The following PDE4D variants were observed in gnomAD, a reference collection of about 807,000 sequenced individuals.
PDE4D encodes the protein 3',5'-cyclic-AMP phosphodiesterase 4D.
A neutral mutation model predicts 87.4 loss-of-function variants in PDE4D; 24 were observed. The observed-to-expected ratio is 0.27, with a 90% CI of 0.20 to 0.39. The LOEUF is 0.39. Among genes scored for constraint, PDE4D ranks in the 10% least tolerant of loss-of-function variants. The pLI, the probability that PDE4D is intolerant of heterozygous loss-of-function variation, is 1.00. For synonymous variants in PDE4D, 384 were observed against 383.2 expected, an observed-to-expected ratio of 1.00 and a Z score of -0.02; for missense variants, 714 against 1,041.0, an observed-to-expected ratio of 0.69 and a Z score of 4.32.
intron 2 of PDE4D, among the ~76,000 whole-genome samples, chr5:59,195,404 A>G (rs935442559): frequency 6.6e-6 from 1 of 152,330 alleles, no homozygotes; most frequent in Admixed American, 6.5e-5. Context: ...AGAGGGATGA[A>G]GCCAAGGAGG....
chr5:58,980,232 ACATACT>A (rs1280473476), intron 11 of PDE4D, among the ~76,000 whole-genome samples: 1 of 152,198 alleles, frequency 6.6e-6, no homozygotes, highest in Non-Finnish European at 1.5e-5. Context: ...ATTTACATAG[ACATACT>A]CATATAATCC....
chr5:59,434,050 C>G (rs1025696022), intron 1 of PDE4D, among the ~76,000 whole-genome samples: 7 of 145,370 alleles, frequency 4.8e-5, no homozygotes, highest in African/African-American at 1.8e-4. Context: ...TAGGATGTTC[C>G]TAAAGAAGTC....
chr5:59,080,128 T>G (rs1766473071), intron 5 of PDE4D, among the ~76,000 whole-genome samples: 1 of 152,196 alleles, frequency 6.6e-6, no homozygotes, highest in Non-Finnish European at 1.5e-5. Flanking sequence ...GCCTGCATTA[T>G]CTCAAGCTAC....
chr5:59,250,899 T>C (rs76087085), intron 1 of PDE4D, among the ~76,000 whole-genome samples: 4,960 of 152,218 alleles, frequency 0.033, 157 homozygotes, highest in Admixed American at 0.09. Context: ...CATCTGATCT[T>C]CGACAAAGCT....
intron 5 of PDE4D, among the ~76,000 whole-genome samples, chr5:59,171,706 A>G (rs1195954156): frequency 6.7e-6 from 1 of 149,398 alleles, no homozygotes; most frequent in Non-Finnish European, 1.5e-5. Context: ...CATGGAAAGC[A>G]TTATGTTCTT....
At chr5:59,261,075 A>G (rs555772238) in intron 1 of PDE4D, among the ~76,000 whole-genome samples, 1 of 152,042 alleles carries the variant, frequency 6.6e-6, no homozygotes, top group East Asian at 1.9e-4. Context: ...ACTGGCAGTC[A>G]TAGAATAATG....
intron 1 of PDE4D, among the ~76,000 whole-genome samples, chr5:60,415,842 C>G (rs575935333): frequency 1.3e-5 from 2 of 152,366 alleles, no homozygotes; most frequent in Middle Eastern, 3.4e-3. Flanking sequence ...ACCTGCCGCC[C>G]GGTGCGGGAC....
intron 1 of PDE4D, among the ~76,000 whole-genome samples, chr5:60,356,424 G>C (rs1388146989): frequency 6.6e-6 from 1 of 152,104 alleles, no homozygotes; most frequent in African/African-American, 2.4e-5. Context: ...GGCTGCAGTT[G>C]TTATTTTTAT....
At chr5:59,993,772 T>A (rs1763250369) in intron 2 of PDE4D, among the ~76,000 whole-genome samples, 1 of 152,048 alleles carries the variant, frequency 6.6e-6, no homozygotes, top group South Asian at 2.1e-4. Flanking sequence ...TTCACCTTGC[T>A]ATTGATGGGA....
chr5:59,667,506 G>A (rs1195903785), intron 1 of PDE4D, among the ~76,000 whole-genome samples: 1 of 152,040 alleles, frequency 6.6e-6, no homozygotes, highest in Non-Finnish European at 1.5e-5. Flanking sequence ...TGCATGGTCT[G>A]CTTGTACTCA....
chr5:60,087,755 C>T (rs1185771823), intron 2 of PDE4D, among the ~76,000 whole-genome samples: 2 of 151,846 alleles, frequency 1.3e-5, no homozygotes, highest in Admixed American at 1.3e-4. Context: ...AAGGGGACAC[C>T]ATCAAGCAAA....
intron 3 of PDE4D, among the ~76,000 whole-genome samples, chr5:59,960,161 A>C (rs990480927): frequency 6.6e-6 from 1 of 152,192 alleles, no homozygotes; most frequent in Non-Finnish European, 1.5e-5. Context: ...ATCTCACACC[A>C]GTCAGAATGG....
chr5:59,947,457 A>G (rs1034877063), intron 3 of PDE4D, among the ~76,000 whole-genome samples: 4 of 152,100 alleles, frequency 2.6e-5, no homozygotes, highest in African/African-American at 9.7e-5. Flanking sequence ...ACAGATTGTA[A>G]GTCTTACATT....
chr5:60,112,824 G>T (rs1246247866), intron 2 of PDE4D, among the ~76,000 whole-genome samples: 1 of 152,018 alleles, frequency 6.6e-6, no homozygotes, highest in African/African-American at 2.4e-5. Context: ...ATGGCTCTGG[G>T]ATCTTTAATC....
chr5:59,946,987 A>G (rs2152802094), intron 3 of PDE4D, among the ~76,000 whole-genome samples: 1 of 152,256 alleles, frequency 6.6e-6, no homozygotes, highest in Middle Eastern at 3.4e-3. Flanking sequence ...CCCTGTTTTT[A>G]TATAACTGAG....
intron 1 of PDE4D, among the ~76,000 whole-genome samples, chr5:60,210,775 A>G (rs1327401619): frequency 1.4e-5 from 2 of 147,954 alleles, no homozygotes; most frequent in Non-Finnish European, 3.0e-5. Flanking sequence ...TTTTTCAGAA[A>G]TATTAGATTA....
chr5:59,708,682 T>C (rs186440093), intron 1 of PDE4D, among the ~76,000 whole-genome samples: 1 of 152,296 alleles, frequency 6.6e-6, no homozygotes, highest in East Asian at 1.9e-4. Context: ...CCTCTTTCAA[T>C]TAATGTAGAC....
At chr5:59,446,206 C>G (rs1170535633) in intron 1 of PDE4D, among the ~76,000 whole-genome samples, 1 of 151,900 alleles carries the variant, frequency 6.6e-6, no homozygotes, top group Non-Finnish European at 1.5e-5. Flanking sequence ...ATCAATGGAT[C>G]ATTTTATTTA....
intron 5 of PDE4D, among the ~76,000 whole-genome samples, chr5:59,180,170 A>C (rs958569098): frequency 6.6e-6 from 1 of 152,130 alleles, no homozygotes; most frequent in Non-Finnish European, 1.5e-5. Flanking sequence ...CTTCCTACAC[A>C]CAAGTGGGAT....
Sources: allele counts gnomAD v4.1 joint callset (sites outside exome capture counted in the v4.1 genomes callset), GRCh38; gene constraint gnomAD v4.1.1; transcripts MANE v1.5; gene names NCBI Gene and HGNC (gene_info 2026-07-23, HGNC 2026-07-21).